Variants in C12orf42 observed in about 807,000 individuals in gnomAD.
C12orf42 encodes the protein uncharacterized protein C12orf42.
A neutral mutation model predicts 21.6 loss-of-function variants in C12orf42; 25 were observed. The observed-to-expected ratio is 1.16, with a 90% confidence interval of 0.84 to 1.62. The LOEUF (loss-of-function observed/expected upper bound fraction) is 1.62. Among genes scored for constraint, C12orf42 ranks in the 40% most tolerant of loss-of-function variants. The probability of loss-of-function intolerance (pLI) is 0.00; values close to 1 mark genes in which losing one functional copy is unlikely to be tolerated. For synonymous variants in C12orf42, 174 were observed against 175.0 expected (o/e 0.99, Z 0.05); for missense variants, 483 against 459.3 (o/e 1.05, Z -0.47).
rs536572294 is a variant in C12orf42, at chr12:103,382,259, T to C, written c.148-13261A>G. Among the ~76,000 whole-genome samples, 3 of 152,342 alleles carry C rather than the reference T, an allele frequency of 2.0e-5. No individual in the cohort carries two copies. In the East Asian group the frequency reaches 5.8e-4, roughly 29 times the overall value. On this transcript the variant is annotated intron_variant, in intron 3 of 5. Transcript: ENST00000548883. ...GAATAGAAAATTGTGCTTCACAATTTCTATGGCTGATTTCATCTACTTCCG... is the reference window on the plus strand; with the variant it reads ...GAATAGAAAATTGTGCTTCACAATTCCTATGGCTGATTTCATCTACTTCCG...
At chr12:103,291,756 A>C (rs376964907) in intron 4 of C12orf42, among the ~76,000 whole-genome samples, 5 of 152,168 alleles carry the variant, frequency 3.3e-5, no homozygotes, top group African/African-American at 1.2e-4. Context: ...TATTGTAATT[A>C]GCGTATAATG....
At chr12:103,533,222 A>G in the C12orf42 span, among the ~76,000 whole-genome samples, 1 of 152,204 alleles carries the variant, frequency 6.6e-6, no homozygotes, top group Non-Finnish European at 1.5e-5. Context: ...ATTGCTGAAA[A>G]CAGCAAATTA....
chr12:103,223,602 T>C, the C12orf42 span, among the ~76,000 whole-genome samples: 1 of 152,168 alleles, frequency 6.6e-6, no homozygotes, highest in Non-Finnish European at 1.5e-5. Flanking sequence ...GAAAACAGTG[T>C]AAACCGGCAG....
the C12orf42 span, among the ~76,000 whole-genome samples, chr12:103,149,777 C>G: frequency 6.6e-6 from 1 of 152,142 alleles, no homozygotes; most frequent in African/African-American, 2.4e-5. Context: ...TAAGTCAAAC[C>G]TACTCCCTTT....
At chr12:103,178,980 GT>G in the C12orf42 span, among the ~76,000 whole-genome samples, 1 of 152,154 alleles carries the variant, frequency 6.6e-6, no homozygotes, top group African/African-American at 2.4e-5. Flanking sequence ...CTGACCAGTT[GT>G]TTTGGCATCT....
chr12:103,086,716 C>T, the C12orf42 span, among the ~76,000 whole-genome samples: 1 of 151,880 alleles, frequency 6.6e-6, no homozygotes, highest in South Asian at 2.1e-4. Flanking sequence ...ACATATGTTT[C>T]TGATTCGCTT....
At chr12:103,279,158 A>G (rs2136298741) in intron 4 of C12orf42, among the ~76,000 whole-genome samples, 1 of 152,326 alleles carries the variant, frequency 6.6e-6, no homozygotes, top group East Asian at 1.9e-4. Flanking sequence ...CATCATGCCT[A>G]TAGTTCACAA....
chr12:103,067,749 T>C, the C12orf42 span, among the ~76,000 whole-genome samples: 1 of 152,168 alleles, frequency 6.6e-6, no homozygotes, highest in Non-Finnish European at 1.5e-5. Context: ...CAACAATGAT[T>C]CCATTAAACT....
the C12orf42 span, among the ~76,000 whole-genome samples, chr12:103,120,973 A>G: frequency 2.0e-5 from 3 of 152,120 alleles, no homozygotes; most frequent in East Asian, 3.9e-4. Flanking sequence ...GAATTAGTGG[A>G]TTAAATACTT....
At chr12:103,249,581 C>T (rs1283297791) in intron 10 of C12orf42, among the ~76,000 whole-genome samples, 1 of 151,958 alleles carries the variant, frequency 6.6e-6, no homozygotes, top group Non-Finnish European at 1.5e-5. Flanking sequence ...AAGAAAATCT[C>T]CTATTCTTAC....
chr12:103,233,847 T>C (rs1191120416), downstream of C12orf42, among the ~76,000 whole-genome samples: 2 of 152,192 alleles, frequency 1.3e-5, no homozygotes, highest in African/African-American at 4.8e-5. Context: ...GAACTTTCAT[T>C]ATGATATCGA....
At chr12:103,099,165 T>C in the C12orf42 span, among the ~76,000 whole-genome samples, 1 of 152,240 alleles carries the variant, frequency 6.6e-6, no homozygotes, top group Non-Finnish European at 1.5e-5. Flanking sequence ...GGCTGTGAGT[T>C]GAAATATGAC....
the C12orf42 span, among the ~76,000 whole-genome samples, chr12:103,181,145 C>T: frequency 1.3e-5 from 2 of 151,796 alleles, no homozygotes; most frequent in African/African-American, 4.8e-5. Flanking sequence ...ACCTGTAGTC[C>T]CAGCTACTAG....
chr12:103,175,717 G>A, the C12orf42 span, among the ~76,000 whole-genome samples: 1 of 152,288 alleles, frequency 6.6e-6, no homozygotes, highest in East Asian at 1.9e-4. Flanking sequence ...CTGTATTTGG[G>A]TATATGACAA....
chr12:103,201,387 G>A, the C12orf42 span, among the ~76,000 whole-genome samples: 1 of 152,112 alleles, frequency 6.6e-6, no homozygotes, highest in Non-Finnish European at 1.5e-5. Context: ...CAACCGCTGA[G>A]CTGGGCATTG....
chr12:103,463,355 C>G, intron 2 of C12orf42, among the ~76,000 whole-genome samples: 1 of 152,114 alleles, frequency 6.6e-6, no homozygotes, highest in Non-Finnish European at 1.5e-5. Context: ...ATTATTTAAA[C>G]AGACTAGAAT....
chr12:103,050,629 A>T, the C12orf42 span, among the ~76,000 whole-genome samples: 3 of 152,052 alleles, frequency 2.0e-5, no homozygotes, highest in Non-Finnish European at 4.4e-5. Flanking sequence ...TCGTGCCAGG[A>T]CAAGCAGCCC....
At chr12:103,207,952 C>T in the C12orf42 span, among the ~76,000 whole-genome samples, 8 of 152,306 alleles carry the variant, frequency 5.3e-5, no homozygotes, top group Admixed American at 5.2e-4. Context: ...CTGGCAAAAA[C>T]TTGATCAAAT....
the C12orf42 span, among the ~76,000 whole-genome samples, chr12:103,073,168 A>T: frequency 6.6e-6 from 1 of 152,058 alleles, no homozygotes; most frequent in African/African-American, 2.4e-5. Flanking sequence ...ACACAGTGGG[A>T]CCTATTGGAG....
Sources: allele counts gnomAD v4.1 joint callset (sites outside exome capture counted in the v4.1 genomes callset), GRCh38; gene constraint gnomAD v4.1.1; transcripts MANE v1.5; gene names NCBI Gene and HGNC (gene_info 2026-07-23, HGNC 2026-07-21).